Variants in ULK4 observed in about 807,000 individuals in gnomAD.
ULK4 encodes the protein unc-51 like kinase 4, also known as inactive serine/threonine-protein kinase ULK4.
In ULK4, 133 loss-of-function variants were observed where a neutral mutation model predicts 160.6. The observed-to-expected ratio is 0.83, with a 90% CI of 0.72 to 0.96. ULK4 has a LOEUF of 0.96. ULK4 is among the 40% of genes least tolerant of loss of function. The pLI, the probability that ULK4 is intolerant of heterozygous loss-of-function variation, is 0.00. For missense variants in ULK4, 1,580 were observed against 1,499.5 expected (o/e 1.05, Z -0.89); for synonymous variants, 534 against 539.8 (o/e 0.99, Z 0.15).
chr3:41,695,010 G>A (rs1159473609), intron 27 of ULK4, among the ~76,000 whole-genome samples: 1 of 152,150 alleles, frequency 6.6e-6, no homozygotes, highest in Non-Finnish European at 1.5e-5. Flanking sequence ...TTAGGAGGCT[G>A]GGAAGTCCAA....
At chr3:41,882,248 G>A (rs748241083) in intron 17 of ULK4, 1 of 702,960 alleles carries the variant, frequency 1.4e-6, no homozygotes, top group African/African-American at 1.7e-5. Context: ...GAACAAGACA[G>A]TTCAAAATCC....
At chr3:41,776,631 AG>A (rs1440757893) in intron 21 of ULK4, among the ~76,000 whole-genome samples, 4 of 113,984 alleles carry the variant, frequency 3.5e-5, no homozygotes, top group Non-Finnish European at 8.2e-5. Context: ...TTTAGCATGA[AG>A]GGTTGTTGAA....
intron 35 of ULK4, among the ~76,000 whole-genome samples, chr3:41,272,358 T>G (rs2079152760): frequency 6.7e-6 from 1 of 149,896 alleles, no homozygotes. Flanking sequence ...TTTTTTTTTT[T>G]TTTTTTTTTT....
At chr3:41,856,442 A>T (rs906443412) in intron 17 of ULK4, among the ~76,000 whole-genome samples, 1 of 149,520 alleles carries the variant, frequency 6.7e-6, no homozygotes, top group Non-Finnish European at 1.5e-5. Context: ...AAAACAACTA[A>T]GAAAACTACA....
At chr3:41,308,012 C>T (rs909730188) in intron 35 of ULK4, among the ~76,000 whole-genome samples, 4 of 152,024 alleles carry the variant, frequency 2.6e-5, no homozygotes, top group African/African-American at 4.8e-5. Flanking sequence ...CAAGAAGAAA[C>T]GTGAAAACAA....
intron 34 of ULK4, among the ~76,000 whole-genome samples, chr3:41,413,255 A>T (rs967648604): frequency 1.3e-5 from 2 of 152,144 alleles, no homozygotes; most frequent in East Asian, 3.9e-4. Flanking sequence ...CCCTCCCTCA[A>T]CATGAGGGGA....
intron 34 of ULK4, among the ~76,000 whole-genome samples, chr3:41,436,961 C>A (rs1307106319): frequency 6.6e-6 from 1 of 152,180 alleles, no homozygotes; most frequent in African/African-American, 2.4e-5. Context: ...CATGAACTTA[C>A]TGAGTCTGGA....
intron 35 of ULK4, among the ~76,000 whole-genome samples, chr3:41,375,258 T>C (rs2081460449): frequency 6.6e-6 from 1 of 152,186 alleles, no homozygotes; most frequent in Non-Finnish European, 1.5e-5. Flanking sequence ...ACCACTGACT[T>C]TCTTCAGAGA....
chr3:41,937,245 G>A (rs1049780608), intron 3 of ULK4: 166 of 627,514 alleles, frequency 2.6e-4, no homozygotes, highest in Admixed American at 3.1e-4. Context: ...TCAGAGATCA[G>A]AAACAACAGC....
At chr3:41,873,130 C>T (rs1305852862) in intron 17 of ULK4, among the ~76,000 whole-genome samples, 1 of 151,974 alleles carries the variant, frequency 6.6e-6, no homozygotes, top group African/African-American at 2.4e-5. Flanking sequence ...CCAGCCTGGC[C>T]GACAGGGCGA....
At chr3:41,384,087 T>G (rs1305577061) in intron 35 of ULK4, among the ~76,000 whole-genome samples, 1 of 152,174 alleles carries the variant, frequency 6.6e-6, no homozygotes, top group Non-Finnish European at 1.5e-5. Context: ...CACACCTGCA[T>G]AGTGGAGACA....
intron 32 of ULK4, among the ~76,000 whole-genome samples, chr3:41,559,644 T>C (rs6599161): frequency 0.42 from 61,911 of 148,796 alleles, 13,190 homozygotes; most frequent in Middle Eastern, 0.53. Flanking sequence ...GAGCATTTTG[T>C]CATGTGTGTT....
chr3:41,852,207 T>G (rs997312895), intron 17 of ULK4, among the ~76,000 whole-genome samples: 1 of 152,164 alleles, frequency 6.6e-6, no homozygotes, highest in African/African-American at 2.4e-5. Flanking sequence ...AATCTCTGAA[T>G]AGACCAATAA....
Position 41,469,553 on chromosome 3 carries a change from G to A in ULK4, c.3227-6300C>T, listed in dbSNP as rs140138639. ...CTGCCTGCCCATGGCCATCAAAGCCGGCCCATCTACAATAAAAGCTAAATG... is the reference window on the plus strand; with the variant it reads ...CTGCCTGCCCATGGCCATCAAAGCCAGCCCATCTACAATAAAAGCTAAATG... On this transcript the variant is annotated intron_variant, in intron 32 of 36. Coordinates refer to ENST00000301831, the MANE Select transcript of ULK4 (RefSeq NM_017886.4). 5.8e-3 allele frequency among the ~76,000 whole-genome samples: 674 copies of A among 117,038 alleles called. 6 individuals are homozygous for A. Among genetic ancestry groups the A allele is most frequent in the African/African-American group, 0.022 (644 of 29,226 alleles). The allele number at this position is 117,038 out of a possible 152,430, so 76.8% of individuals were successfully genotyped here.
chr3:41,951,027 C>T (rs566351798), intron 2 of ULK4, among the ~76,000 whole-genome samples: 1 of 151,222 alleles, frequency 6.6e-6, no homozygotes, highest in East Asian at 2.0e-4. Context: ...GCCTGTAGTC[C>T]CAGCTACTCA....
chr3:41,545,182 C>A (rs78743552), intron 32 of ULK4, among the ~76,000 whole-genome samples: 87 of 151,604 alleles, frequency 5.7e-4, no homozygotes, highest in Admixed American at 5.6e-3. Flanking sequence ...TACAGAGTAA[C>A]AAAAAAAAGG....
At chr3:41,690,085 T>C (rs1294288441) in intron 27 of ULK4, among the ~76,000 whole-genome samples, 1 of 146,806 alleles carries the variant, frequency 6.8e-6, no homozygotes, top group Non-Finnish European at 1.5e-5. Flanking sequence ...ATGTGGCACA[T>C]ATACACCATG....
chr3:41,323,070 TGG>T (rs2080273834), intron 35 of ULK4, among the ~76,000 whole-genome samples: 1 of 152,076 alleles, frequency 6.6e-6, no homozygotes, highest in Non-Finnish European at 1.5e-5. Context: ...CTTGAGTAGC[TGG>T]GATTACAGGC....
chr3:41,424,901 C>T (rs889076561), intron 34 of ULK4, among the ~76,000 whole-genome samples: 5 of 148,710 alleles, frequency 3.4e-5, no homozygotes, highest in African/African-American at 1.2e-4. Flanking sequence ...TCCAAATGAT[C>T]GCAATACCTC....
Sources: gnomAD v4.1 joint callset for allele counts (sites outside exome capture counted in the v4.1 genomes callset) on GRCh38, gnomAD v4.1.1 for gene constraint, MANE v1.5 for transcripts, NCBI Gene and HGNC (gene_info 2026-07-23, HGNC 2026-07-21) for gene names.